The following LUZP2 variants were observed in gnomAD, a reference collection of about 807,000 sequenced individuals.
The protein encoded by LUZP2 is leucine zipper protein 2.
Under a neutral mutation model 51.6 loss-of-function variants are expected in LUZP2, and 52 were observed. The ratio of observed to expected loss-of-function variants is 1.01; its 90% CI spans 0.81 to 1.27. LUZP2 has a LOEUF of 1.27. LUZP2 is among the 50% of genes most tolerant of loss of function. The pLI is 0.00. For missense variants in LUZP2, 436 were observed against 395.4 expected (o/e 1.10, Z -0.87); for synonymous variants, 154 against 137.3 (o/e 1.12, Z -0.85).
At chr11:24,634,546 T>C (rs952032891) in intron 1 of LUZP2, among the ~76,000 whole-genome samples, 3 of 152,012 alleles carry the variant, frequency 2.0e-5, no homozygotes, top group Non-Finnish European at 2.9e-5. Context: ...TTTTCCCCCA[T>C]ACTGTAACTA....
chr11:24,901,935 C>T (rs1183468258), intron 5 of LUZP2, among the ~76,000 whole-genome samples: 1 of 152,078 alleles, frequency 6.6e-6, no homozygotes, highest in Non-Finnish European at 1.5e-5. Flanking sequence ...TATCATTTTA[C>T]AAGTAAACAT....
At chr11:24,674,424 T>G (rs888672606) in intron 1 of LUZP2, among the ~76,000 whole-genome samples, 1 of 152,174 alleles carries the variant, frequency 6.6e-6, no homozygotes, top group African/African-American at 2.4e-5. Flanking sequence ...GTCCCACCTT[T>G]TCATTTTGTC....
intron 9 of LUZP2, among the ~76,000 whole-genome samples, chr11:24,985,893 A>T (rs1381753465): frequency 6.6e-6 from 1 of 151,758 alleles, no homozygotes; most frequent in Non-Finnish European, 1.5e-5. Context: ...AATAAATAAA[A>T]TTACCTGAAG....
chr11:24,707,631 A>G (rs1857641669), intron 1 of LUZP2, among the ~76,000 whole-genome samples: 1 of 152,110 alleles, frequency 6.6e-6, no homozygotes, highest in African/African-American at 2.4e-5. Flanking sequence ...CAGAAGTACC[A>G]GAGTCCAAGG....
chr11:24,597,855 A>G (rs1303942242), intron 1 of LUZP2, among the ~76,000 whole-genome samples: 2 of 152,160 alleles, frequency 1.3e-5, no homozygotes, highest in African/African-American at 2.4e-5. Context: ...TAATCCTAGC[A>G]TTTTTGGAGG....
At chr11:24,646,073 C>A (rs752148015) in intron 1 of LUZP2, among the ~76,000 whole-genome samples, 7 of 151,894 alleles carry the variant, frequency 4.6e-5, no homozygotes, top group African/African-American at 9.7e-5. Flanking sequence ...ATTTCAGATT[C>A]TTTATAAAAT....
rs980486351 is a variant in LUZP2 at position 24,515,861 on chromosome 11, G to A, written c.62+18556G>A. 2.3e-4 allele frequency among the ~76,000 whole-genome samples: 35 copies of A among 152,122 alleles called. 1 individual carries two copies. The highest frequency in any genetic ancestry group is 1.3e-4 in the Non-Finnish European group (9 of 68,026). ...TGCTCCAGAGCTCCCCTAGGGACTG[G>A]GTAAAGCTATTCTGCTGGGACCACT... On this transcript the variant is annotated intron_variant, in intron 1 of 11. Coordinates refer to ENST00000336930, the MANE Select transcript of LUZP2 (RefSeq NM_001009909.4).
At chr11:24,763,357 A>G in intron 5 of LUZP2, 49 bp downstream of exon 5, 1 of 830,456 alleles carries the variant, frequency 1.2e-6, no homozygotes, top group Non-Finnish European at 1.8e-6. Flanking sequence ...CAAATAATAT[A>G]CATAAATGCA....
At chr11:24,735,744 G>C (rs1858914710) in intron 3 of LUZP2, among the ~76,000 whole-genome samples, 1 of 151,854 alleles carries the variant, frequency 6.6e-6, no homozygotes, top group Non-Finnish European at 1.5e-5. Flanking sequence ...TTCAATATTT[G>C]AGCTATCTAT....
intron 9 of LUZP2, among the ~76,000 whole-genome samples, chr11:24,987,012 T>C (rs1856207079): frequency 6.6e-6 from 1 of 151,838 alleles, no homozygotes; most frequent in South Asian, 2.1e-4. Flanking sequence ...TTACTTAACT[T>C]TTCTAAGACT....
At chr11:24,845,525 G>A (rs1851172348) in intron 5 of LUZP2, among the ~76,000 whole-genome samples, 1 of 152,048 alleles carries the variant, frequency 6.6e-6, no homozygotes, top group South Asian at 2.1e-4. Flanking sequence ...AGGACATGAG[G>A]TTTGGGAGGG....
At chr11:25,059,695 A>T (rs374365222) in intron 10 of LUZP2, among the ~76,000 whole-genome samples, 7 of 152,278 alleles carry the variant, frequency 4.6e-5, no homozygotes, top group African/African-American at 1.7e-4. Context: ...TTGATTACTG[A>T]GACTATTTTC....
intron 10 of LUZP2, among the ~76,000 whole-genome samples, chr11:25,052,942 T>A (rs2134026522): frequency 6.6e-6 from 1 of 152,308 alleles, no homozygotes; most frequent in South Asian, 2.1e-4. Context: ...AGTTTTACTT[T>A]GTTTTTAATG....
At chr11:24,901,727 G>A (rs117548008) in intron 5 of LUZP2, among the ~76,000 whole-genome samples, 330 of 152,198 alleles carry the variant, frequency 2.2e-3, no homozygotes, top group Middle Eastern at 0.01. Context: ...TATTAGGCAG[G>A]TTTAGCAAGA....
chr11:24,988,889 G>A (rs975086853), intron 9 of LUZP2, among the ~76,000 whole-genome samples: 7 of 151,912 alleles, frequency 4.6e-5, no homozygotes, highest in Admixed American at 2.0e-4. Context: ...TTATCTTCTA[G>A]GATTTTTGTA....
At chr11:25,008,931 C>T (rs1856909770) in intron 9 of LUZP2, among the ~76,000 whole-genome samples, 2 of 152,206 alleles carry the variant, frequency 1.3e-5, no homozygotes, top group South Asian at 4.1e-4. Flanking sequence ...GTAGTAGGCT[C>T]TTCCTGGAAC....
At chr11:24,779,171 A>G (rs1271275133) in intron 5 of LUZP2, among the ~76,000 whole-genome samples, 1 of 152,224 alleles carries the variant, frequency 6.6e-6, no homozygotes, top group East Asian at 1.9e-4. Flanking sequence ...ACTTTAAAAG[A>G]AGTTGATTTT....
chr11:24,672,570 T>C (rs1173372052), intron 1 of LUZP2, among the ~76,000 whole-genome samples: 1 of 152,138 alleles, frequency 6.6e-6, no homozygotes, highest in Non-Finnish European at 1.5e-5. Flanking sequence ...CTAGATACCA[T>C]TAAAAATAAA....
chr11:25,042,852 C>T (rs1344361615), intron 9 of LUZP2, among the ~76,000 whole-genome samples: 2 of 152,104 alleles, frequency 1.3e-5, no homozygotes, highest in East Asian at 3.9e-4. Flanking sequence ...TTAGGGCTAA[C>T]ATAATAATCC....
Sources: allele counts gnomAD v4.1 joint callset (sites outside exome capture counted in the v4.1 genomes callset), GRCh38; gene constraint gnomAD v4.1.1; transcripts MANE v1.5; gene names NCBI Gene and HGNC (gene_info 2026-07-23, HGNC 2026-07-21).